WIPI1: variants seen among roughly 807,000 people sequenced by gnomAD.
The protein encoded by WIPI1 is WD repeat domain, phosphoinositide interacting 1, also known as WD repeat domain phosphoinositide-interacting protein 1.
A neutral mutation model predicts 55.3 loss-of-function variants in WIPI1; 45 were observed. That is an observed-to-expected ratio of 0.81 (90% CI 0.64 to 1.04). WIPI1 has a LOEUF of 1.04. Ranked by LOEUF, WIPI1 falls within the 50% of genes least tolerant of loss-of-function variation. The probability of loss-of-function intolerance (pLI) is 0.00; values close to 1 mark genes in which losing one functional copy is unlikely to be tolerated. For synonymous variants in WIPI1, 195 were observed against 217.6 expected (o/e 0.90, Z 0.92); for missense variants, 445 against 559.0 (o/e 0.80, Z 2.06).
At chr17:68,437,158 A>T (rs8072338) in intron 4 of WIPI1, among the ~76,000 whole-genome samples, 120,029 of 152,014 alleles carry the variant, frequency 0.79, 47,611 homozygotes, top group African/African-American at 0.85. Flanking sequence ...ATCTTCCTAT[A>T]GTGAAAAGTC....
At chr17:68,430,294 C>A in intron 8 of WIPI1, 134 bp from the exon 9 acceptor site, 1 of 823,112 alleles carries the variant, frequency 1.2e-6, no homozygotes, top group Non-Finnish European at 1.9e-6. Flanking sequence ...AATGTTCTGC[C>A]CACTGAGAAC....
intron 3 of WIPI1, among the ~76,000 whole-genome samples, chr17:68,449,626 T>A (rs2084420712): frequency 6.6e-6 from 1 of 152,124 alleles, no homozygotes; most frequent in Non-Finnish European, 1.5e-5. Context: ...CCCCCACCCG[T>A]CTCTTGGTCC....
At chr17:68,434,226 T>G (rs1302854128) in intron 7 of WIPI1, among the ~76,000 whole-genome samples, 2 of 152,152 alleles carry the variant, frequency 1.3e-5, no homozygotes, top group Non-Finnish European at 2.9e-5. Flanking sequence ...ACAGTCACAC[T>G]TTACATCGTC....
chr17:68,457,190 G>A, intron 1 of WIPI1, 152 bp downstream of exon 1: 1 of 875,706 alleles, frequency 1.1e-6, no homozygotes, highest in South Asian at 1.8e-5. Flanking sequence ...AGGGGTACGG[G>A]GATAACAAGA....
chr17:68,450,830 GTGAC>G lies in WIPI1; in HGVS notation c.227_230del (p.Ser76ThrfsTer7). 3.7e-6 allele frequency: 6 copies of G among 1,614,200 alleles called. No individual in the cohort carries two copies. The highest frequency in any genetic ancestry group is 1.1e-5 in the South Asian group (1 of 91,082). ...ACACGTTCATCTGCCGTGGTTTTGT[GTGAC>G]TGACTACCACCACCAGGCTGCTGGA... On this transcript the variant is annotated frameshift_variant, in exon 3 of 13. Transcript: ENST00000262139. LOFTEE classifies it high-confidence loss of function.
chr17:68,442,662 A>G (rs936003443), intron 4 of WIPI1, among the ~76,000 whole-genome samples: 2 of 152,050 alleles, frequency 1.3e-5, no homozygotes, highest in African/African-American at 2.4e-5. Flanking sequence ...TCCCTCCCCA[A>G]ATCCCTGAAG....
At chr17:68,425,579 C>G (rs2083116716) in intron 12 of WIPI1, among the ~76,000 whole-genome samples, 1 of 152,050 alleles carries the variant, frequency 6.6e-6, no homozygotes, top group South Asian at 2.1e-4. Context: ...CCGGCCAGAG[C>G]TGCAGGTAAG....
rs1332911083 is a variant in WIPI1, at chr17:68,434,536, G to T, written c.692+20C>A. On this transcript the variant is annotated intron_variant, in intron 7 of 12. Transcript: ENST00000262139. Reference sequence around the variant, plus strand: ...GACTTCTGCGGGGACTTTAAAATGGGTTTGACATTGAACACAGACCTTTTC... The same window carrying T: ...GACTTCTGCGGGGACTTTAAAATGGTTTTGACATTGAACACAGACCTTTTC... 9.3e-6 allele frequency: 15 copies of T among 1,613,326 alleles called. No homozygotes were observed. Among genetic ancestry groups the T allele is most frequent in the Non-Finnish European group, 1.2e-5 (14 of 1,179,486 alleles).
intron 2 of WIPI1, 105 bp from the exon 3 acceptor site, chr17:68,451,002 C>T (rs1434918809): frequency 7.0e-6 from 10 of 1,422,932 alleles, no homozygotes; most frequent in South Asian, 1.5e-5. Context: ...CAAAGGTTCT[C>T]CGGGTCTTGC....
chr17:68,449,991 A>G (rs1317603673), intron 3 of WIPI1, among the ~76,000 whole-genome samples: 2 of 152,206 alleles, frequency 1.3e-5, no homozygotes, highest in East Asian at 3.8e-4. Flanking sequence ...AGCCTGGGCA[A>G]TAGGGCAAGA....
At chr17:68,433,654 A>G (rs1338088354) in intron 7 of WIPI1, 79 bp from the exon 8 acceptor site, 4 of 1,200,088 alleles carry the variant, frequency 3.3e-6, no homozygotes, top group Non-Finnish European at 4.8e-6. Context: ...TCAGCTTTAT[A>G]AGAAAATCAG....
intron 9 of WIPI1, among the ~76,000 whole-genome samples, chr17:68,429,716 G>A (rs1281383174): frequency 6.6e-6 from 1 of 152,106 alleles, no homozygotes; most frequent in East Asian, 1.9e-4. Flanking sequence ...AACCTCCCAA[G>A]TAGCTGGGAC....
rs1305249935 is a variant in WIPI1 at position 68,426,139 on chromosome 17, A to T, written c.1229T>A (p.Val410Asp). 1 of 1,611,160 alleles carries T rather than the reference A, an allele frequency of 6.2e-7. No homozygotes were observed. Among genetic ancestry groups the T allele is most frequent in the Non-Finnish European group, 8.5e-7 (1 of 1,179,622 alleles). The change falls in exon 12 of 13, where the codon GTT becomes GAT. Residue 410 changes from valine (V) to aspartate (D), a missense_variant. Coordinates refer to ENST00000262139, the MANE Select transcript of WIPI1 (RefSeq NM_017983.7). ...CGTCGCAAACTCATGTTCAGGAATAACTTCTCCTCGCAGCGCCCCGCCGTC... is the reference window on the plus strand; with the variant it reads ...CGTCGCAAACTCATGTTCAGGAATATCTTCTCCTCGCAGCGCCCCGCCGTC... ...SEDGGALRGE[V>D]IPEHEFATGP...
chr17:68,433,193 A>G (rs2083604649), intron 8 of WIPI1, among the ~76,000 whole-genome samples: 1 of 152,266 alleles, frequency 6.6e-6, no homozygotes, highest in Non-Finnish European at 1.5e-5. Context: ...CAGATGAGGA[A>G]ACTGAAGGAC....
rs71142180 is a variant in WIPI1, at chr17:68,437,016, A to ATGTGTGTGTGTGTGTGTGTG, written c.431-557_431-538dup. 6.4e-3 allele frequency among the ~76,000 whole-genome samples: 929 copies of ATGTGTGTGTGTGTGTGTGTG among 144,622 alleles called. 18 individuals are homozygous for ATGTGTGTGTGTGTGTGTGTG. The highest frequency in any genetic ancestry group is 0.058 in the East Asian group (290 of 4,966). The allele number at this position is 144,622 out of a possible 152,430, so 94.9% of individuals were successfully genotyped here. ...CTCAAAAAAAAAAAAATATATATAT[A>ATGTGTGTGTGTGTGTGTGTG]TGTGTGTGTGTGTGTGTGTGTATAT... is the stretch of plus-strand genomic sequence containing the variant. On this transcript the variant is annotated intron_variant, in intron 4 of 12. Transcript: ENST00000262139.
rs139267277 is a variant in WIPI1 at position 68,436,993 on chromosome 17, CA to C, written c.431-515del. On this transcript the variant is annotated intron_variant, in intron 4 of 12. Transcript: ENST00000262139. ...TGGGCTACAGAGTGAGACCCCGTCT[CA>C]AAAAAAAAAAAATATATATATATGT... 6.4e-3 allele frequency among the ~76,000 whole-genome samples: 804 copies of C among 124,712 alleles called. 5 individuals are homozygous for C. The highest frequency in any genetic ancestry group is 0.019 in the African/African-American group (699 of 36,068). The allele number at this position is 124,712 out of a possible 152,430, so 81.8% of individuals were successfully genotyped here. A position where few individuals can be genotyped will look rare whatever the true frequency, so the allele number is the denominator to read the frequency against.
Position 68,457,425 on chromosome 17 carries a change from G to A in WIPI1, c.-4C>T, listed in dbSNP as rs1365121948. On this transcript the variant is annotated 5_prime_UTR_variant, in exon 1 of 13. Coordinates refer to ENST00000262139, the MANE Select transcript of WIPI1 (RefSeq NM_017983.7). The stretch of plus-strand genomic sequence containing the variant: ...CGTCCGCGGCCTCGGCCTCCATCGG[G>A]GGCTCGGCCCGGGAAGCCGCAGCTC... 1.4e-6 allele frequency: 2 copies of A among 1,472,980 alleles called. No homozygotes were observed. The highest frequency in any genetic ancestry group is 3.3e-5 in the African/African-American group (2 of 60,342). The allele number at this position is 1,472,980 out of a possible 1,614,324, so 91.2% of individuals were successfully genotyped here. A position where few individuals can be genotyped will look rare whatever the true frequency, so the allele number is the denominator to read the frequency against.
Position 68,424,451 on chromosome 17 carries a change from A to G in WIPI1, c.1293+1624T>C, listed in dbSNP as rs77279010. On this transcript the variant is annotated intron_variant, in intron 12 of 12. Transcript: ENST00000262139. ...CAGACCTGCACTCCATCCTTTTACA[A>G]TTGGAAGCTCAATGGACACAAAACA... 4,798 of 534,740 alleles carry G rather than the reference A, an allele frequency of 9.0e-3. 186 individuals are homozygous for G. The highest frequency in any genetic ancestry group is 0.083 in the African/African-American group (4,345 of 52,058). 33.1% of individuals were successfully genotyped at this position (534,740 alleles called of 1,614,324 possible).
intron 4 of WIPI1, among the ~76,000 whole-genome samples, chr17:68,443,707 T>A (rs1034550051): frequency 1.3e-5 from 2 of 152,168 alleles, no homozygotes; most frequent in Non-Finnish European, 2.9e-5. Flanking sequence ...AAACAGCAAA[T>A]AGAAGCAGTT....
Sources: gnomAD v4.1 joint callset for allele counts (sites outside exome capture counted in the v4.1 genomes callset) on GRCh38, gnomAD v4.1.1 for gene constraint, MANE v1.5 for transcripts, NCBI Gene and HGNC (gene_info 2026-07-23, HGNC 2026-07-21) for gene names.